The following CUBN variants were observed in gnomAD, a reference collection of about 807,000 sequenced individuals.
CUBN encodes cubilin.
Under a neutral mutation model 405.3 loss-of-function variants are expected in CUBN, and 282 were observed. The observed-to-expected ratio is 0.70, with a 90% CI of 0.63 to 0.77. The LOEUF is 0.77. Among genes scored for constraint, CUBN ranks in the 30% least tolerant of loss-of-function variants. The pLI is 0.00. For synonymous variants in CUBN, 1,684 were observed against 1,617.0 expected (o/e 1.04, Z -0.99); for missense variants, 4,514 against 4,475.2 (o/e 1.01, Z -0.25).
At chr10:17,115,418 G>T (rs938936187) in intron 7 of CUBN, 53 bp downstream of exon 7, 7 of 1,610,614 alleles carry the variant, frequency 4.3e-6, no homozygotes, top group Non-Finnish European at 5.9e-6. Context: ...GGAGGAGGAG[G>T]AGCTACTAAC....
intron 54 of CUBN, among the ~76,000 whole-genome samples, chr10:16,893,061 A>G (rs531835846): frequency 6.6e-6 from 1 of 152,370 alleles, no homozygotes; most frequent in East Asian, 1.9e-4. Context: ...TTCATTGGCT[A>G]TATGACAGAG....
chr10:16,970,992 T>C (rs1261519218), intron 31 of CUBN, among the ~76,000 whole-genome samples: 1 of 152,174 alleles, frequency 6.6e-6, no homozygotes, highest in Non-Finnish European at 1.5e-5. Context: ...TAAATTACTA[T>C]TTCTTCTTCT....
intron 28 of CUBN, among the ~76,000 whole-genome samples, chr10:16,995,957 T>C (rs1450057184): frequency 6.6e-5 from 10 of 152,204 alleles, no homozygotes; most frequent in African/African-American, 2.4e-4. Flanking sequence ...CTGTGGAACA[T>C]GCTCATATCA....
At position 16,920,096 on chromosome 10, in the gene CUBN, C is replaced by T. The variant is rs1841992284; in HGVS notation, c.6688G>A (p.Gly2230Arg). ...GGGTGGTTGGGGGAGGTCACATACCCAGCAGAATCAGCATCATGGATGTAG... is the reference window on the plus strand; with the variant it reads ...GGGTGGTTGGGGGAGGTCACATACCTAGCAGAATCAGCATCATGGATGTAG... ...NVYIHDADSAGYVTSPNHPHN... is the reference protein window; with the variant it reads ...NVYIHDADSARYVTSPNHPHN... The change falls in exon 44 of 67, where the codon GGG becomes AGG. Residue 2230 changes from glycine to arginine, a missense_variant. By Grantham distance (125) the Gly-to-Arg change is moderately radical. This residue lies in a region of CUBN where 1,613 missense variants were observed against 1,542.8 expected (regional missense o/e 1.05). Transcript: ENST00000377833. 1.2e-6 allele frequency: 2 copies of T among 1,613,820 alleles called. No homozygotes were observed. The highest frequency in any genetic ancestry group is 3.3e-5 in the Admixed American group (2 of 59,946).
At chr10:16,988,108 G>A (rs61486335) in intron 29 of CUBN, among the ~76,000 whole-genome samples, 3,992 of 152,260 alleles carry the variant, frequency 0.026, 177 homozygotes, top group African/African-American at 0.088. Context: ...AACAGCCCCT[G>A]TCTCTACTTT....
chr10:16,985,188 C>A (rs1833382081), intron 29 of CUBN, among the ~76,000 whole-genome samples: 2 of 152,222 alleles, frequency 1.3e-5, no homozygotes, highest in South Asian at 4.1e-4. Flanking sequence ...CCTGCCACGT[C>A]CCCATCTCCT....
intron 58 of CUBN, among the ~76,000 whole-genome samples, chr10:16,870,520 A>G (rs983503411): frequency 6.6e-6 from 1 of 152,232 alleles, no homozygotes; most frequent in African/African-American, 2.4e-5. Flanking sequence ...CATGGCTGCT[A>G]GGAGTTGCTT....
rs141271360 is a variant in CUBN, at chr10:16,967,650, C to A, written c.4696-13102G>T. ...GGAAACAAAAATTCCTGTGGTGGGGCGTAAAGGAGGGAGGGAAGAAAGAGA... is the reference window on the plus strand; with the variant it reads ...GGAAACAAAAATTCCTGTGGTGGGGAGTAAAGGAGGGAGGGAAGAAAGAGA... On this transcript the variant is annotated intron_variant, in intron 31 of 66. Coordinates refer to ENST00000377833, the MANE Select transcript of CUBN (RefSeq NM_001081.4). Among the ~76,000 whole-genome samples, 203 of 149,548 alleles carry A rather than the reference C, an allele frequency of 1.4e-3. 2 individuals are homozygous for A. Among genetic ancestry groups the A allele is most frequent in the African/African-American group, 4.1e-3 (165 of 40,384 alleles).
intron 41 of CUBN, among the ~76,000 whole-genome samples, chr10:16,926,134 T>C (rs1842182853): frequency 6.6e-6 from 1 of 152,116 alleles, no homozygotes; most frequent in Non-Finnish European, 1.5e-5. Flanking sequence ...GGGTACTTTA[T>C]TGTTAGAGTT....
intron 56 of CUBN, among the ~76,000 whole-genome samples, chr10:16,887,053 G>T (rs1416924409): frequency 6.6e-6 from 1 of 152,218 alleles, no homozygotes. Flanking sequence ...CTCCCAAAGT[G>T]CTGGGATTAT....
intron 48 of CUBN, among the ~76,000 whole-genome samples, chr10:16,909,031 C>T (rs1474608172): frequency 4.0e-5 from 6 of 151,522 alleles, no homozygotes; most frequent in East Asian, 1.9e-4. Flanking sequence ...TACAGGTGCC[C>T]GCCACCGCGC....
At chr10:16,847,754 A>G (rs1418241295) in intron 60 of CUBN, among the ~76,000 whole-genome samples, 1 of 152,154 alleles carries the variant, frequency 6.6e-6, no homozygotes, top group Non-Finnish European at 1.5e-5. Flanking sequence ...TACCGTAATT[A>G]CTCTCCAAGT....
intron 28 of CUBN, among the ~76,000 whole-genome samples, chr10:16,994,111 T>C (rs1833666383): frequency 6.6e-6 from 1 of 152,246 alleles, no homozygotes; most frequent in Non-Finnish European, 1.5e-5. Context: ...GTAATTCTGG[T>C]AATTACGGTA....
In CUBN at chr10:16,874,388, C is replaced by A; in HGVS notation, c.9222G>T (p.Lys3074Asn). Reference sequence around the variant, plus strand: ...GTCTTACGTACTTGAGCTCGATCACCTTGTCGTCACTAACGGTGATGGTAT... The same window carrying A: ...GTCTTACGTACTTGAGCTCGATCACATTGTCGTCACTAACGGTGATGGTAT... ...CLYTITVSDD[K>N]VIELKFSDFD... Residue 3074 changes from lysine to asparagine, a missense_variant, in exon 58 of 67, where the codon AAG becomes AAT. Physicochemically the swap from Lys to Asn is moderately conservative, Grantham distance 94. Coordinates refer to ENST00000377833, the MANE Select transcript of CUBN (RefSeq NM_001081.4). The A allele has an allele frequency of 6.2e-7, 1 of 1,614,142 alleles. No individual in the cohort carries two copies. The highest frequency in any genetic ancestry group is 8.5e-7 in the Non-Finnish European group (1 of 1,180,012).
At chr10:17,120,773 T>A (rs1343299095) in intron 6 of CUBN, among the ~76,000 whole-genome samples, 2 of 152,236 alleles carry the variant, frequency 1.3e-5, no homozygotes, top group South Asian at 4.1e-4. Flanking sequence ...CAACAGCCTT[T>A]ATCTTGGTCT....
chr10:17,022,060 G>A (rs367951892), intron 27 of CUBN, among the ~76,000 whole-genome samples: 2 of 152,176 alleles, frequency 1.3e-5, no homozygotes, highest in African/African-American at 4.8e-5. Flanking sequence ...TGTACAGTTA[G>A]ATAGGTAGTA....
At chr10:17,035,909 A>T (rs1210656414) in intron 27 of CUBN, among the ~76,000 whole-genome samples, 1 of 151,878 alleles carries the variant, frequency 6.6e-6, no homozygotes, top group Non-Finnish European at 1.5e-5. Context: ...AGGTGATGAA[A>T]TGATCTGTGC....
chr10:17,118,547 C>T lies in CUBN; in HGVS notation c.594-2950G>A, dbSNP rs190874373. On this transcript the variant is annotated intron_variant, in intron 6 of 66. Transcript: ENST00000377833. ...TGCCTCCCAGGTTCAAGCGATCTTC[C>T]CACCTCTGCCTCTCAAGTAGCTGGG... 1.6e-4 allele frequency among the ~76,000 whole-genome samples: 24 copies of T among 152,302 alleles called. 1 individual carries two copies. The highest frequency in any genetic ancestry group is 1.5e-3 in the Admixed American group (23 of 15,294).
chr10:16,838,255 G>A (rs1008773890), intron 62 of CUBN, among the ~76,000 whole-genome samples: 1 of 152,134 alleles, frequency 6.6e-6, no homozygotes, highest in Non-Finnish European at 1.5e-5. Flanking sequence ...AAGACCACAT[G>A]AGAAGCAGGG....
Sources: allele counts gnomAD v4.1 joint callset (sites outside exome capture counted in the v4.1 genomes callset), GRCh38; gene constraint gnomAD v4.1.1; regional missense constraint gnomAD v4.1.1; transcripts MANE v1.5; gene names NCBI Gene and HGNC (gene_info 2026-07-23, HGNC 2026-07-21).